Variants in CAPN2 observed in about 807,000 individuals in gnomAD.
The protein encoded by CAPN2 is calpain 2.
A neutral mutation model predicts 102.3 loss-of-function variants in CAPN2; 92 were observed. That is an observed-to-expected ratio of 0.90 (90% CI 0.76 to 1.07). The LOEUF (loss-of-function observed/expected upper bound fraction) is 1.07, where lower values mean the gene tolerates loss of function less well. Ranked by LOEUF, CAPN2 falls within the 50% of genes least tolerant of loss-of-function variation. CAPN2 has a pLI of 0.00. For synonymous variants in CAPN2, 340 were observed against 355.4 expected (o/e 0.96, Z 0.49); for missense variants, 800 against 909.4 (o/e 0.88, Z 1.55).
chr1:223,736,197 G>A lies in CAPN2; in HGVS notation c.308-7903G>A, dbSNP rs182291875. Among the ~76,000 whole-genome samples, 23 of 152,308 alleles carry A rather than the reference G, an allele frequency of 1.5e-4. No individual in the cohort carries two copies. The East Asian group carries it at 3.1e-3, about 20-fold the overall frequency. On this transcript the variant is annotated intron_variant, in intron 2 of 20. Coordinates refer to ENST00000295006, the MANE Select transcript of CAPN2 (RefSeq NM_001748.5). ...GTTTGCTGGAGGGGTCCTGGACAAC[G>A]TAGAAAGGGCAGCACACAGCCCTGG...
chr1:223,768,708 T>G (rs1661398228), intron 16 of CAPN2, among the ~76,000 whole-genome samples: 2 of 151,368 alleles, frequency 1.3e-5, no homozygotes. Flanking sequence ...AAGTAGTTTT[T>G]TCCAATTCTG....
rs34894876 is a variant in CAPN2 at position 223,722,281 on chromosome 1, C to CTTTTTTTTTTTTTTTTTTTTTTT, written c.307+4452_307+4474dup. 1.2e-3 allele frequency among the ~76,000 whole-genome samples: 104 copies of CTTTTTTTTTTTTTTTTTTTTTTT among 85,478 alleles called. 1 individual carries two copies. The highest frequency in any genetic ancestry group is 1.8e-3 in the African/African-American group (41 of 23,168). 56.1% of individuals were successfully genotyped at this position (85,478 alleles called of 152,430 possible). The stretch of plus-strand genomic sequence containing the variant: ...TTCCTTTCTTTCTTTTTCTTTCTTT[C>CTTTTTTTTTTTTTTTTTTTTTTT]TTTTTTTTTTTTTTTTTTTTTTTTG... On this transcript the variant is annotated intron_variant, in intron 2 of 20. Coordinates refer to ENST00000295006, the MANE Select transcript of CAPN2 (RefSeq NM_001748.5).
In CAPN2 at chr1:223,732,743, C is replaced by T. The variant is rs140084787; in HGVS notation, c.308-11357C>T. On this transcript the variant is annotated intron_variant, in intron 2 of 20. Transcript: ENST00000295006. ...CAAGATGGAGTTGCTCTAGTTCACACGCCTCTGACACATGTTCAGAAATAA... is the reference window on the plus strand; with the variant it reads ...CAAGATGGAGTTGCTCTAGTTCACATGCCTCTGACACATGTTCAGAAATAA... Among the ~76,000 whole-genome samples the T allele has an allele frequency of 5.1e-4, 77 of 152,304 alleles. No homozygotes were observed. In the South Asian group the frequency reaches 8.9e-3, roughly 18 times the overall value.
At position 223,725,374 on chromosome 1, in the gene CAPN2, C is replaced by G. The variant is rs1660164181; in HGVS notation, c.307+7543C>G. 6.6e-6 allele frequency among the ~76,000 whole-genome samples: 1 copy of G among 150,574 alleles called. No homozygotes were observed. The highest frequency in any genetic ancestry group is 1.5e-5 in the Non-Finnish European group (1 of 67,810). ...CTCCATCCTGGGCAATAGAGCGAGA[C>G]TTCATCTCAAAAAAAAAAAAATTGT... On this transcript the variant is annotated intron_variant, in intron 2 of 20. Transcript: ENST00000295006. This position sits in a 1 kb window ranked among gnomAD's most constrained non-coding sequence, Gnocchi z 4.1.
At chr1:223,768,137 G>A (rs1661383620) in intron 16 of CAPN2, among the ~76,000 whole-genome samples, 1 of 151,422 alleles carries the variant, frequency 6.6e-6, no homozygotes, top group Admixed American at 6.6e-5. Flanking sequence ...CCATTTTGTA[G>A]GTTGCCTGTT....
At chr1:223,757,013 C>T (rs1339904040) in intron 10 of CAPN2, among the ~76,000 whole-genome samples, 1 of 152,236 alleles carries the variant, frequency 6.6e-6, no homozygotes, top group South Asian at 2.1e-4. Context: ...ACTGCTGGCT[C>T]CTAGCCCCAG....
chr1:223,759,228 C>G lies in CAPN2; in HGVS notation c.1318-42C>G. ...AATGAAAATGATACTTGCCTGGAGG[C>G]TTCCCCTCATCTACCCCCATGTTTC... On this transcript the variant is annotated intron_variant, in intron 11 of 20. Transcript: ENST00000295006. This position sits in a 1 kb window ranked among gnomAD's most constrained non-coding sequence, Gnocchi z 4.6. 8,846 of 1,366,192 alleles carry G rather than the reference C, an allele frequency of 6.5e-3. No homozygotes were observed. The highest frequency in any genetic ancestry group is 8.5e-3 in the Non-Finnish European group (8,067 of 953,960). 84.6% of individuals were successfully genotyped at this position (1,366,192 alleles called of 1,614,324 possible).
chr1:223,702,222 T>G (rs1659500656), intron 1 of CAPN2, among the ~76,000 whole-genome samples: 1 of 151,724 alleles, frequency 6.6e-6, no homozygotes, highest in Non-Finnish European at 1.5e-5. Flanking sequence ...GGTCAGGAGT[T>G]CAAGACCAGC....
chr1:223,745,185 C>T, intron 3 of CAPN2, 121 bp from the exon 4 acceptor site: 1 of 1,309,458 alleles, frequency 7.6e-7, no homozygotes, highest in Non-Finnish European at 1.1e-6. Context: ...CACCTCCTCC[C>T]AGGATGCGCT....
chr1:223,760,562 T>C (rs1239788457), intron 12 of CAPN2, among the ~76,000 whole-genome samples: 1 of 152,218 alleles, frequency 6.6e-6, no homozygotes, highest in Non-Finnish European at 1.5e-5. Flanking sequence ...GGACCTTTCC[T>C]CTCAGCTCTG....
chr1:223,741,950 C>T (rs1164008330), intron 2 of CAPN2, among the ~76,000 whole-genome samples: 3 of 152,004 alleles, frequency 2.0e-5, no homozygotes, highest in Non-Finnish European at 4.4e-5. Flanking sequence ...AACTGACTGA[C>T]TCAGGGGATG....
chr1:223,703,878 A>G (rs1215017864), intron 1 of CAPN2, among the ~76,000 whole-genome samples: 1 of 152,240 alleles, frequency 6.6e-6, no homozygotes. Context: ...AAGAGGGAAA[A>G]GTATAAAGCA....
intron 1 of CAPN2, among the ~76,000 whole-genome samples, chr1:223,706,909 G>A (rs533753922): frequency 3.3e-5 from 5 of 151,848 alleles, no homozygotes. Context: ...GCGAAACCCC[G>A]TCTCTATTAA....
intron 2 of CAPN2, among the ~76,000 whole-genome samples, chr1:223,729,894 T>A (rs1660290850): frequency 6.6e-6 from 1 of 150,652 alleles, no homozygotes; most frequent in African/African-American, 2.4e-5. Flanking sequence ...TCCCAGCTAC[T>A]CAGAGGCTGA....
upstream of CAPN2, among the ~76,000 whole-genome samples, chr1:223,708,060 G>A (rs1212602109): frequency 1.3e-5 from 2 of 152,208 alleles, no homozygotes; most frequent in Non-Finnish European, 2.9e-5. Flanking sequence ...CAGGGCTGTC[G>A]CTTTCCTCTG....
At chr1:223,758,809 C>T in intron 11 of CAPN2, 1 of 215,608 alleles carries the variant, frequency 4.6e-6, no homozygotes, top group Non-Finnish European at 9.4e-6. Flanking sequence ...CCTCCTACCT[C>T]AGCCTCCTGA....
At chr1:223,746,513 C>T (rs1660754516) in intron 4 of CAPN2, among the ~76,000 whole-genome samples, 1 of 127,334 alleles carries the variant, frequency 7.9e-6, no homozygotes, top group Non-Finnish European at 1.5e-5. Flanking sequence ...GAGCCTCATT[C>T]TGTCACCCAG....
At chr1:223,717,516 A>G (rs555517204) in intron 1 of CAPN2, among the ~76,000 whole-genome samples, 1 of 152,300 alleles carries the variant, frequency 6.6e-6, no homozygotes, top group East Asian at 1.9e-4. Context: ...GGCTCCAGGC[A>G]GTCCAGAGTG....
chr1:223,721,392 C>T (rs1660048083), intron 2 of CAPN2, among the ~76,000 whole-genome samples: 1 of 152,244 alleles, frequency 6.6e-6, no homozygotes, highest in African/African-American at 2.4e-5. Flanking sequence ...TGATGCTTTA[C>T]TTTGCACTGG....
Sources: gnomAD v4.1 joint callset for allele counts (sites outside exome capture counted in the v4.1 genomes callset) on GRCh38, gnomAD v4.1.1 for gene constraint, Gnocchi (gnomAD v3.1) non-coding constraint, MANE v1.5 for transcripts, NCBI Gene and HGNC (gene_info 2026-07-23, HGNC 2026-07-21) for gene names.